The following RAB13 variants were observed in gnomAD, a reference collection of about 807,000 sequenced individuals.
The protein encoded by RAB13 is RAB13, member RAS oncogene family, also known as ras-related protein Rab-13.
In RAB13, 15 loss-of-function variants were observed where a neutral mutation model predicts 29.3. The ratio of observed to expected loss-of-function variants is 0.51; its 90% CI spans 0.34 to 0.79. RAB13 has a LOEUF of 0.79. Among genes scored for constraint, RAB13 ranks in the 30% least tolerant of loss-of-function variants. The pLI, the probability that RAB13 is intolerant of heterozygous loss-of-function variation, is 0.01. For missense variants in RAB13, 186 were observed against 255.5 expected (o/e 0.73, Z 1.85); for synonymous variants, 82 against 93.8 (o/e 0.87, Z 0.73).
At position 153,982,151 on chromosome 1, in the gene RAB13, G is replaced by A. The variant is rs780542973; in HGVS notation, c.560C>T (p.Thr187Ile). 3.1e-6 allele frequency: 5 copies of A among 1,613,954 alleles called. No individual in the cohort carries two copies. In the South Asian group the frequency reaches 4.4e-5, roughly 14 times the overall value. ...RSGNGNKPPS[T>I]DLKTCDKKNT... Reference sequence around the variant, plus strand: ...CTTCTTGTCACAAGTTTTCAGGTCAGTACTGGGAGGCTTGTTGCCGTTTCC... The same window carrying A: ...CTTCTTGTCACAAGTTTTCAGGTCAATACTGGGAGGCTTGTTGCCGTTTCC... The change falls in exon 8 of 8, where the codon ACT becomes ATT. Residue 187 changes from threonine (T) to isoleucine (I), a missense_variant. By Grantham distance (89) the Thr-to-Ile change is moderately conservative. Transcript: ENST00000368575.
chr1:153,990,631 C>G (rs1649330918), upstream of RAB13: 1 of 825,520 alleles, frequency 1.2e-6, no homozygotes. Context: ...AAAGACCTTC[C>G]GAAAATGGCA....
At chr1:153,982,668 A>C in intron 5 of RAB13, 51 bp downstream of exon 5, 1 of 1,611,146 alleles carries the variant, frequency 6.2e-7, no homozygotes, top group Non-Finnish European at 8.5e-7. Flanking sequence ...AATGCAACCT[A>C]TCTTGGCCCT....
chr1:153,986,420 C>A (rs1361202103), upstream of RAB13: 33 of 600,994 alleles, frequency 5.5e-5, no homozygotes, highest in Non-Finnish European at 9.4e-5. Context: ...GCCCGCCCAC[C>A]CTTTTGAGCA....
At position 153,986,142 on chromosome 1, in the gene RAB13, T is replaced by C. The variant is rs2275481; in HGVS notation, c.95A>G (p.Asn32Ser). 2.8e-4 allele frequency: 451 copies of C among 1,613,710 alleles called. No homozygotes were observed. The East Asian group carries it at 8.9e-3, about 32-fold the overall frequency. The change falls in exon 1 of 8, where the codon AAC becomes AGC. Residue 32 changes from asparagine (N) to serine (S), a missense_variant. Transcript: ENST00000368575. ...TCLIIRFAED[N>S]FNNTYISTIG... ...GGTGGAGATGTAAGTGTTGTTGAAG[T>C]TGTCCTCTGCAAAGCGAATGATCAG...
chr1:153,983,516 C>T lies in RAB13; in HGVS notation c.246+5G>A. The T allele has an allele frequency of 1.2e-6, 2 of 1,601,682 alleles. No individual in the cohort carries two copies. Among genetic ancestry groups the T allele is most frequent in the Non-Finnish European group, 1.7e-6 (2 of 1,168,660 alleles). On this transcript the variant is annotated splice_donor_5th_base_variant and intron_variant, in intron 3 of 7. Coordinates refer to ENST00000368575, the MANE Select transcript of RAB13 (RefSeq NM_002870.5). ...TCATCCTTTGTTCAGACCCACACTT[C>T]ATACCATGGCTCCACGGTAGTAGGC...
intron 1 of RAB13, chr1:153,985,223 A>G: frequency 1.0e-6 from 1 of 987,966 alleles, no homozygotes; most frequent in Non-Finnish European, 1.2e-6. Flanking sequence ...AAGCCAGTCT[A>G]TGTGAATTAA....
At chr1:153,982,883 T>G (rs1430204756) in intron 4 of RAB13, 75 bp from the exon 5 acceptor site, 13 of 1,447,078 alleles carry the variant, frequency 9.0e-6, no homozygotes, top group Non-Finnish European at 1.3e-5. Flanking sequence ...TCCCAGCACT[T>G]TGGGAGGCCA....
chr1:153,983,493 A>G, intron 3 of RAB13, 28 bp downstream of exon 3: 1 of 1,574,252 alleles, frequency 6.4e-7, no homozygotes, highest in Non-Finnish European at 8.7e-7. Context: ...CTCATCCTTC[A>G]TCCTTTGTTC....
chr1:153,987,980 TTTAA>T (rs963447539), upstream of RAB13, among the ~76,000 whole-genome samples: 5 of 151,650 alleles, frequency 3.3e-5, no homozygotes, highest in East Asian at 1.9e-4. Flanking sequence ...TTATTTATTT[TTTAA>T]TTAATTAATT....
chr1:153,987,834 C>T (rs548787259), upstream of RAB13, among the ~76,000 whole-genome samples: 3 of 150,450 alleles, frequency 2.0e-5, no homozygotes, highest in East Asian at 5.8e-4. Context: ...CCTGTAGTCC[C>T]AGCCGCAGCT....
intron 1 of RAB13, chr1:153,985,241 G>A: frequency 1.0e-6 from 1 of 986,518 alleles, no homozygotes; most frequent in Non-Finnish European, 1.2e-6. Flanking sequence ...TAACTAGTGG[G>A]CCAAACTTGG....
chr1:153,987,774 CAAA>C (rs60689643), upstream of RAB13, among the ~76,000 whole-genome samples: 4 of 54,318 alleles, frequency 7.4e-5, no homozygotes, highest in African/African-American at 3.1e-4. Flanking sequence ...ACTGCTTCGA[CAAA>C]AAAAAAAAAA....
rs1197054380 is a variant in RAB13, at chr1:153,983,506, A to C, written c.246+15T>G. ...GCCTCATCCTTCATCCTTTGTTCAGACCCACACTTCATACCATGGCTCCAC... is the reference window on the plus strand; with the variant it reads ...GCCTCATCCTTCATCCTTTGTTCAGCCCCACACTTCATACCATGGCTCCAC... On this transcript the variant is annotated intron_variant, in intron 3 of 7. Coordinates refer to ENST00000368575, the MANE Select transcript of RAB13 (RefSeq NM_002870.5). 6 of 1,593,184 alleles carry C rather than the reference A, an allele frequency of 3.8e-6. No individual in the cohort carries two copies. The highest frequency in any genetic ancestry group is 1.7e-6 in the Non-Finnish European group (2 of 1,161,206).
chr1:153,985,280 T>G (rs1462598010), intron 1 of RAB13: 2 of 985,780 alleles, frequency 2.0e-6, no homozygotes, highest in African/African-American at 3.5e-5. Context: ...CTAAACAGGA[T>G]TACTTTTGAG....
intron 1 of RAB13, among the ~76,000 whole-genome samples, chr1:153,985,724 C>CGG (rs3838485): frequency 0.28 from 42,139 of 151,710 alleles, 6,263 homozygotes; most frequent in Admixed American, 0.39. Context: ...AAGAGGCTAG[C>CGG]ATCGGATCGG....
At chr1:153,989,474 C>T (rs1280859789), upstream of RAB13, among the ~76,000 whole-genome samples, 1 of 150,548 alleles carries the variant, frequency 6.6e-6, no homozygotes, top group Admixed American at 6.6e-5. Context: ...TGGTCTCGAT[C>T]TCCTAACCTC....
At chr1:153,990,275 A>G (rs1029074726), upstream of RAB13, among the ~76,000 whole-genome samples, 4 of 152,216 alleles carry the variant, frequency 2.6e-5, no homozygotes, top group Non-Finnish European at 5.9e-5. Context: ...TATGTTGGCC[A>G]GGCTGGTCTT....
intron 1 of RAB13, chr1:153,985,425 TAGA>T: frequency 1.0e-6 from 1 of 964,350 alleles, no homozygotes; most frequent in Non-Finnish European, 1.2e-6. Context: ...TTCTTCTTAG[TAGA>T]AACTTGGGCA....
chr1:153,989,351 G>T (rs1410026871), upstream of RAB13, among the ~76,000 whole-genome samples: 1 of 150,902 alleles, frequency 6.6e-6, no homozygotes, highest in Non-Finnish European at 1.5e-5. Context: ...CCGGGTTCAC[G>T]CCATTCTCCT....
Sources: gnomAD v4.1 joint callset for allele counts (sites outside exome capture counted in the v4.1 genomes callset) on GRCh38, gnomAD v4.1.1 for gene constraint, MANE v1.5 for transcripts, NCBI Gene and HGNC (gene_info 2026-07-23, HGNC 2026-07-21) for gene names.